Variants in PAM16 observed in about 807,000 individuals in gnomAD.
PAM16 encodes presequence translocase associated motor 16, also known as mitochondrial import inner membrane translocase subunit TIM16.
Under a neutral mutation model 17.9 loss-of-function variants are expected in PAM16, and 11 were observed. That is an observed-to-expected ratio of 0.62 (90% CI 0.39 to 1.02). PAM16 has a LOEUF of 1.02. PAM16 is among the 50% of genes least tolerant of loss of function. PAM16 has a pLI of 0.01. For missense variants in PAM16, 199 were observed against 165.4 expected, an observed-to-expected ratio of 1.20 and a Z score of -1.11; for synonymous variants, 72 against 67.4, an observed-to-expected ratio of 1.07 and a Z score of -0.34.
intron 1 of PAM16, among the ~76,000 whole-genome samples, chr16:4,348,953 C>CTTTTT (rs1219395068): frequency 1.8e-5 from 2 of 114,242 alleles, no homozygotes; most frequent in African/African-American, 3.3e-5. Context: ...CTAGCACTTT[C>CTTTTT]TTTTTTTTTT....
At chr16:4,343,061 C>T (rs1173260404) in intron 2 of PAM16, 146 bp downstream of exon 2, 2 of 1,053,202 alleles carry the variant, frequency 1.9e-6, no homozygotes, top group African/African-American at 3.2e-5. Flanking sequence ...TGAAGAATGC[C>T]CCGGTCTGGC....
At chr16:4,342,215 GGGTGT>G (rs1248932647) in intron 2 of PAM16, among the ~76,000 whole-genome samples, 9 of 152,246 alleles carry the variant, frequency 5.9e-5, no homozygotes, top group Non-Finnish European at 1.2e-4. Flanking sequence ...AAAATCAGCT[GGGTGT>G]GGTGGCACAT....
intron 1 of PAM16, among the ~76,000 whole-genome samples, chr16:4,344,948 G>A (rs1179809607): frequency 6.6e-6 from 1 of 151,998 alleles, no homozygotes; most frequent in African/African-American, 2.4e-5. Context: ...GGACTGGGTT[G>A]AGCCAAAACT....
intron 1 of PAM16, chr16:4,346,054 C>A (rs1352569471): frequency 5.0e-5 from 40 of 807,884 alleles, no homozygotes; most frequent in Non-Finnish European, 5.8e-5. Context: ...AACTGGGGAG[C>A]TTCCCCGACC....
rs749204986 is a variant in PAM16, at chr16:4,351,321, G to T, written c.-87C>A. On this transcript the variant is annotated 5_prime_UTR_variant, in exon 1 of 5. Transcript: ENST00000318059. ...GCGTGGTCGGCGGGTCAGAGGTCAA[G>T]GAAAGCCGCAGAGAGCGCGTGCGCG... is the stretch of plus-strand genomic sequence containing the variant. 1.8e-6 allele frequency: 2 copies of T among 1,104,278 alleles called. No homozygotes were observed. The highest frequency in any genetic ancestry group is 2.9e-5 in the East Asian group (1 of 34,654). 68.4% of individuals were successfully genotyped at this position (1,104,278 alleles called of 1,614,324 possible). A position where few individuals can be genotyped will look rare whatever the true frequency, so the allele number is the denominator to read the frequency against.
intron 2 of PAM16, 35 bp from the exon 3 acceptor site, chr16:4,341,539 G>A (rs1223123198): frequency 1.3e-6 from 2 of 1,580,750 alleles, no homozygotes; most frequent in Non-Finnish European, 1.7e-6. Flanking sequence ...TCAGTCCTCA[G>A]CAGCCCACAC....
At chr16:4,347,100 TC>T (rs1348276896) in intron 1 of PAM16, 3 of 152,176 alleles carry the variant, frequency 2.0e-5, no homozygotes, top group African/African-American at 7.2e-5. Context: ...AGCCTCAGCC[TC>T]CCAGCCTCAA....
At position 4,351,275 on chromosome 16, in the gene PAM16, G is replaced by C; in HGVS notation, c.-41C>G. The C allele has an allele frequency of 1.4e-6, 2 of 1,450,808 alleles. No individual in the cohort carries two copies. The highest frequency in any genetic ancestry group is 1.8e-6 in the Non-Finnish European group (2 of 1,092,384). The allele number at this position is 1,450,808 out of a possible 1,614,324, so 89.9% of individuals were successfully genotyped here. On this transcript the variant is annotated 5_prime_UTR_variant, in exon 1 of 5. Transcript: ENST00000318059. Reference sequence around the variant, plus strand: ...TCCGGGGCTCAAACTCCGACTTCCTGGCCCCGCGGCCGGGGATCAAGCGTG... The same window carrying C: ...TCCGGGGCTCAAACTCCGACTTCCTCGCCCCGCGGCCGGGGATCAAGCGTG...
chr16:4,349,995 T>C (rs908815586), intron 1 of PAM16, among the ~76,000 whole-genome samples: 16 of 151,444 alleles, frequency 1.1e-4, no homozygotes, highest in South Asian at 2.1e-4. Context: ...AGCTGTTACA[T>C]TATCCTTATT....
In PAM16 at chr16:4,351,212, G is replaced by C; in HGVS notation, c.3+20C>G. On this transcript the variant is annotated intron_variant, in intron 1 of 4. Transcript: ENST00000318059. ...CCGACTCGGCTTCCCCTCCCCGGTA[G>C]CGCCCGACTCGGGGCTCACCATGGC... 7.1e-7 allele frequency: 1 copy of C among 1,400,240 alleles called. No homozygotes were observed. Among genetic ancestry groups the C allele is most frequent in the Non-Finnish European group, 9.4e-7 (1 of 1,064,274 alleles). The allele number at this position is 1,400,240 out of a possible 1,614,324, so 86.7% of individuals were successfully genotyped here.
In PAM16 at chr16:4,351,249, C is replaced by G. The variant is rs766096211; in HGVS notation, c.-15G>C. On this transcript the variant is annotated 5_prime_UTR_variant, in exon 1 of 5. Transcript: ENST00000318059. ...GGGCTCACCATGGCAGCCGCTCTGC[C>G]TCCGGGGCTCAAACTCCGACTTCCT... The G allele has an allele frequency of 1.4e-6, 2 of 1,468,696 alleles. No homozygotes were observed. Among genetic ancestry groups the G allele is most frequent in the South Asian group, 2.8e-5 (2 of 70,516 alleles). The allele number at this position is 1,468,696 out of a possible 1,614,324, so 91.0% of individuals were successfully genotyped here. A position where few individuals can be genotyped will look rare whatever the true frequency, so the allele number is the denominator to read the frequency against.
intron 2 of PAM16, among the ~76,000 whole-genome samples, chr16:4,342,068 C>T (rs1464604341): frequency 6.6e-6 from 1 of 152,218 alleles, no homozygotes; most frequent in Non-Finnish European, 1.5e-5. Context: ...AGCAGCCTGT[C>T]GGCCGGGCAC....
At chr16:4,343,681 A>C in intron 1 of PAM16, 1 of 636,696 alleles carries the variant, frequency 1.6e-6, no homozygotes, top group Non-Finnish European at 2.3e-6. Context: ...CCTGGGGCCG[A>C]CCATCACTCT....
At chr16:4,341,667 T>G in intron 2 of PAM16, 163 bp from the exon 3 acceptor site, 1 of 1,230,652 alleles carries the variant, frequency 8.1e-7, no homozygotes, top group Non-Finnish European at 1.1e-6. Context: ...TTTTAGGGGG[T>G]AGAGGCTGGG....
At chr16:4,345,927 C>T in intron 1 of PAM16, 1 of 985,358 alleles carries the variant, frequency 1.0e-6, no homozygotes, top group East Asian at 1.1e-4. Flanking sequence ...GACTACCCCT[C>T]ACACCAACAG....
intron 1 of PAM16, 28 bp from the exon 2 acceptor site, chr16:4,343,319 C>T (rs374926667): frequency 1.0e-5 from 16 of 1,580,778 alleles, no homozygotes; most frequent in Admixed American, 1.8e-5. Flanking sequence ...ACCCGGTTAG[C>T]AGGCCACTCC....
rs536650182 is a variant in PAM16, at chr16:4,351,179, C to T, written c.3+53G>A. 5.4e-4 allele frequency: 631 copies of T among 1,167,204 alleles called. 6 individuals are homozygous for T. In the African/African-American group the frequency reaches 8.9e-3, roughly 16 times the overall value. The allele number at this position is 1,167,204 out of a possible 1,614,324, so 72.3% of individuals were successfully genotyped here. On this transcript the variant is annotated intron_variant, in intron 1 of 4. Transcript: ENST00000318059. ...CCGGAGCTCGCCGCCCGGCCCCCGG[C>T]CCCCGGCCCGACTCGGCTTCCCCTC...
At chr16:4,345,852 G>A in intron 1 of PAM16, 3 of 985,300 alleles carry the variant, frequency 3.0e-6, no homozygotes, top group Non-Finnish European at 3.6e-6. Context: ...GGATGCTGGT[G>A]CTGTCTGAAG....
chr16:4,343,471 TTA>T (rs1336805112), intron 1 of PAM16, 180 bp from the exon 2 acceptor site: 1 of 1,431,844 alleles, frequency 7.0e-7, no homozygotes, highest in Non-Finnish European at 9.1e-7. Context: ...GGTGGGTGGC[TTA>T]GTTACTCACT....
Sources: allele counts gnomAD v4.1 joint callset (sites outside exome capture counted in the v4.1 genomes callset), GRCh38; gene constraint gnomAD v4.1.1; transcripts MANE v1.5; gene names NCBI Gene and HGNC (gene_info 2026-07-23, HGNC 2026-07-21).